Variants in ANKRD12 observed in about 807,000 individuals in gnomAD.
The protein encoded by ANKRD12 is ankyrin repeat domain-containing protein 12.
A neutral mutation model predicts 183.4 loss-of-function variants in ANKRD12; 85 were observed. The observed-to-expected ratio is 0.46, with a 90% CI of 0.39 to 0.56. The LOEUF (loss-of-function observed/expected upper bound fraction) is 0.56, where lower values mean the gene tolerates loss of function less well. Ranked by LOEUF, ANKRD12 falls within the 20% of genes least tolerant of loss-of-function variation. The pLI, the probability that ANKRD12 is intolerant of heterozygous loss-of-function variation, is 0.00. For synonymous variants in ANKRD12, 914 were observed against 800.2 expected (o/e 1.14, Z -2.40); for missense variants, 2,405 against 2,357.1 (o/e 1.02, Z -0.42).
At chr18:9,198,929 G>T (rs1419353481) in intron 3 of ANKRD12, among the ~76,000 whole-genome samples, 1 of 151,992 alleles carries the variant, frequency 6.6e-6, no homozygotes, top group Non-Finnish European at 1.5e-5. Flanking sequence ...CAGGAAAATT[G>T]TGTTGAGTAA....
rs1391336277 is a variant in ANKRD12, at chr18:9,285,635, A to G, written c.*4509A>G. On this transcript the variant is annotated 3_prime_UTR_variant, in exon 13 of 13. Transcript: ENST00000262126. Reference sequence around the variant, plus strand: ...GACAAATGTAAACACTCATGTTACCATCACCCAAATTAAGATATTGTAAAA... The same window carrying G: ...GACAAATGTAAACACTCATGTTACCGTCACCCAAATTAAGATATTGTAAAA... 1.3e-5 allele frequency: 2 copies of G among 152,134 alleles called. No homozygotes were observed. The highest frequency in any genetic ancestry group is 1.9e-4 in the East Asian group (1 of 5,196). 9.4% of individuals were successfully genotyped at this position (152,134 alleles called of 1,614,324 possible). A position where few individuals can be genotyped will look rare whatever the true frequency, so the allele number is the denominator to read the frequency against.
Position 9,185,849 on chromosome 18 carries a change from A to G in ANKRD12, c.87+3330A>G, listed in dbSNP as rs112650060. Reference sequence around the variant, plus strand: ...AGAGGTTAAGAGGAAAGATGAGGCCATTGAAACATTTTAAATGACCTTGAT... The same window carrying G: ...AGAGGTTAAGAGGAAAGATGAGGCCGTTGAAACATTTTAAATGACCTTGAT... On this transcript the variant is annotated intron_variant, in intron 2 of 12. Coordinates refer to ENST00000262126, the MANE Select transcript of ANKRD12 (RefSeq NM_015208.5). Among the ~76,000 whole-genome samples the G allele has an allele frequency of 9.7e-3, 1,480 of 152,362 alleles. 35 individuals are homozygous for G. The highest frequency in any genetic ancestry group is 0.034 in the African/African-American group (1,400 of 41,578).
At chr18:9,273,074 C>G (rs1320832564) in intron 10 of ANKRD12, among the ~76,000 whole-genome samples, 1 of 152,154 alleles carries the variant, frequency 6.6e-6, no homozygotes, top group East Asian at 1.9e-4. Context: ...TGGCGAGTTC[C>G]TGGACTCGCT....
At chr18:9,202,411 C>T (rs540111637) in intron 3 of ANKRD12, among the ~76,000 whole-genome samples, 34 of 152,188 alleles carry the variant, frequency 2.2e-4, no homozygotes, top group African/African-American at 7.5e-4. Flanking sequence ...AAAATTAGTG[C>T]TTTGCTTAGT....
intron 2 of ANKRD12, among the ~76,000 whole-genome samples, chr18:9,188,781 T>C (rs2034269544): frequency 6.6e-6 from 1 of 152,268 alleles, no homozygotes; most frequent in Non-Finnish European, 1.5e-5. Context: ...GTAGTTGTTT[T>C]GTGGGCACCA....
intron 7 of ANKRD12, among the ~76,000 whole-genome samples, chr18:9,218,921 A>G (rs1222284863): frequency 6.6e-6 from 1 of 152,098 alleles, no homozygotes; most frequent in Non-Finnish European, 1.5e-5. Context: ...TCAGGCTCCC[A>G]AAGCGTTGGG....
intron 2 of ANKRD12, among the ~76,000 whole-genome samples, chr18:9,193,198 C>T (rs751054083): frequency 2.8e-5 from 4 of 144,662 alleles, no homozygotes; most frequent in Admixed American, 7.1e-5. Context: ...AGCACAGTGG[C>T]GAAGAACATG....
intron 2 of ANKRD12, among the ~76,000 whole-genome samples, chr18:9,192,809 G>A (rs564484298): frequency 6.6e-6 from 1 of 151,788 alleles, no homozygotes; most frequent in East Asian, 1.9e-4. Context: ...AGCCTCCCGA[G>A]TAGCTGGGAC....
At chr18:9,138,207 A>G (rs530182025) in intron 1 of ANKRD12, among the ~76,000 whole-genome samples, 1 of 152,198 alleles carries the variant, frequency 6.6e-6, no homozygotes, top group Non-Finnish European at 1.5e-5. Flanking sequence ...TCGTAAATTA[A>G]CTGTGTATTA....
intron 4 of ANKRD12, among the ~76,000 whole-genome samples, chr18:9,206,352 CAA>C (rs1158395427): frequency 2.0e-5 from 3 of 152,068 alleles, no homozygotes; most frequent in South Asian, 2.1e-4. Flanking sequence ...ACCTTCCTGA[CAA>C]GAGAAGTAGC....
chr18:9,256,651 T>C lies in ANKRD12; in HGVS notation c.3384T>C (p.His1128=). Residue 1128 remains histidine, a synonymous_variant, in exon 9 of 13, where the codon CAT becomes CAC. Coordinates refer to ENST00000262126, the MANE Select transcript of ANKRD12 (RefSeq NM_015208.5). ...TAAAAGATAAAGAAAAAACAAAGCA[T>C]ACACCAACTGAATCCAAAAATAAAG... ...LKIKDKEKTK[H]TPTESKNKEL... 1 of 1,608,636 alleles carries C rather than the reference T, an allele frequency of 6.2e-7. No homozygotes were observed. Among genetic ancestry groups the C allele is most frequent in the Non-Finnish European group, 8.5e-7 (1 of 1,178,814 alleles).
rs752301333 is a variant in ANKRD12, at chr18:9,256,891, T to C, written c.3624T>C (p.Ser1208=). 1.4e-5 allele frequency: 22 copies of C among 1,613,900 alleles called. No individual in the cohort carries two copies. The East Asian group carries it at 4.9e-4, about 36-fold the overall frequency. Residue 1208 remains serine, a synonymous_variant, in exon 9 of 13, where the codon TCT becomes TCC. Transcript: ENST00000262126. ...GLSSRSVSMI[S]VASSEDSCHT... is the part of the protein sequence containing the mutation. Reference sequence around the variant, plus strand: ...GCTCCAGATCTGTATCCATGATTTCTGTTGCTAGTTCAGAAGATTCCTGCC... The same window carrying C: ...GCTCCAGATCTGTATCCATGATTTCCGTTGCTAGTTCAGAAGATTCCTGCC...
chr18:9,208,813 AC>A lies in ANKRD12; in HGVS notation c.451+12del. On this transcript the variant is annotated intron_variant, in intron 5 of 12. Transcript: ENST00000262126. ...AGAGACAACAGTCCAGGTGATACCT[AC>A]CATCATTGAGTTAATGTGTATCCCT... 6.5e-7 allele frequency: 1 copy of A among 1,540,416 alleles called. No homozygotes were observed. Among genetic ancestry groups the A allele is most frequent in the Non-Finnish European group, 8.8e-7 (1 of 1,142,372 alleles).
intron 2 of ANKRD12, among the ~76,000 whole-genome samples, chr18:9,192,395 C>CAA (rs2034507159): frequency 6.6e-6 from 1 of 152,092 alleles, no homozygotes; most frequent in Admixed American, 6.5e-5. Context: ...TAGATGAGCC[C>CAA]TGCTTGATTA....
intron 7 of ANKRD12, among the ~76,000 whole-genome samples, chr18:9,217,771 T>C (rs992744404): frequency 6.6e-6 from 1 of 152,238 alleles, no homozygotes; most frequent in African/African-American, 2.4e-5. Flanking sequence ...GTGTCATGTT[T>C]CCTGCACTAG....
At chr18:9,252,940 A>G (rs558996815) in intron 8 of ANKRD12, among the ~76,000 whole-genome samples, 2 of 152,330 alleles carry the variant, frequency 1.3e-5, no homozygotes, top group East Asian at 1.9e-4. Context: ...AAAAGTGCAT[A>G]TGTGCAGAAT....
chr18:9,201,743 A>G (rs2035181457), intron 3 of ANKRD12, among the ~76,000 whole-genome samples: 1 of 152,036 alleles, frequency 6.6e-6, no homozygotes. Flanking sequence ...AATCAGAAAG[A>G]TTGAATATCT....
At chr18:9,275,460 A>G in intron 10 of ANKRD12, 64 bp from the exon 11 acceptor site, 2 of 1,487,758 alleles carry the variant, frequency 1.3e-6, no homozygotes, top group Admixed American at 3.4e-5. Flanking sequence ...GCGAGAGAGT[A>G]AGACTGTTCT....
At position 9,198,152 on chromosome 18, in the gene ANKRD12, A is replaced by G. The variant is rs1424919161; in HGVS notation, c.235+2454A>G. Among the ~76,000 whole-genome samples, 7 of 152,176 alleles carry G rather than the reference A, an allele frequency of 4.6e-5. No homozygotes were observed. In the East Asian group the frequency reaches 1.3e-3, roughly 29 times the overall value. Reference sequence around the variant, plus strand: ...TATGTAGTATTCTGTATTTTAAACTATTAGCTGAAACTGTGAAGATAAAGA... The same window carrying G: ...TATGTAGTATTCTGTATTTTAAACTGTTAGCTGAAACTGTGAAGATAAAGA... On this transcript the variant is annotated intron_variant, in intron 3 of 12. Transcript: ENST00000262126.
Sources: allele counts gnomAD v4.1 joint callset (sites outside exome capture counted in the v4.1 genomes callset), GRCh38; gene constraint gnomAD v4.1.1; transcripts MANE v1.5; gene names NCBI Gene and HGNC (gene_info 2026-07-23, HGNC 2026-07-21).